The following GRIA3 variants were observed in gnomAD, a reference collection of about 807,000 sequenced individuals.
GRIA3 encodes glutamate ionotropic receptor AMPA type subunit 3.
Under a neutral mutation model 63.0 loss-of-function variants are expected in GRIA3, and 3 were observed. The ratio of observed to expected loss-of-function variants is 0.05; its 90% CI spans 0.02 to 0.12. GRIA3 has a LOEUF of 0.12. Among genes scored for constraint, GRIA3 ranks in the 10% least tolerant of loss-of-function variants. The pLI is 1.00. For synonymous variants in GRIA3, 274 were observed against 257.9 expected (o/e 1.06, Z -0.60); for missense variants, 347 against 700.9 (o/e 0.50, Z 5.70).
chrX:123,204,542 A>G, intron 2 of GRIA3: 1 of 1,162,938 alleles, frequency 8.6e-7, no homozygotes. Context: ...GTAAAGTTGC[A>G]GGTTGAACCC....
chrX:123,266,964 C>T lies in GRIA3; in HGVS notation c.508+13422C>T, dbSNP rs144493622. ...CTTCCCCAGACCCTAGATCTCCAGC[C>T]CCTTAGCCCTGCTGTGTGTCCTCAT... On this transcript the variant is annotated intron_variant, in intron 3 of 15. Coordinates refer to ENST00000620443, the MANE Select transcript of GRIA3 (RefSeq NM_007325.5). Among the ~76,000 whole-genome samples, 37 of 110,978 alleles carry T rather than the reference C, an allele frequency of 3.3e-4. No individual in the cohort carries two copies. The East Asian group carries it at 6.8e-3, about 20-fold the overall frequency.
chrX:123,194,119 C>T (rs1356652102), intron 2 of GRIA3, among the ~76,000 whole-genome samples: 1 of 110,993 alleles, frequency 9.0e-6, no homozygotes, highest in Non-Finnish European at 1.9e-5. Context: ...GGTAGTGGGC[C>T]TGCTGCCTGT....
intron 12 of GRIA3, among the ~76,000 whole-genome samples, chrX:123,434,723 C>T (rs5910004): frequency 0.3 from 33,511 of 110,475 alleles, 4,469 homozygotes; most frequent in Non-Finnish European, 0.42. Context: ...AGTAAGACCA[C>T]CGTTGGCTTT....
chrX:123,446,319 G>A (rs2045702940), intron 12 of GRIA3, among the ~76,000 whole-genome samples: 1 of 111,915 alleles, frequency 8.9e-6, no homozygotes, highest in Non-Finnish European at 1.9e-5. Context: ...TTTAAACCTG[G>A]GGAGGTCAGC....
intron 3 of GRIA3, among the ~76,000 whole-genome samples, chrX:123,292,820 A>G (rs1331338593): frequency 1.8e-5 from 2 of 111,235 alleles, no homozygotes; most frequent in Non-Finnish European, 3.8e-5. Context: ...GGAATACAAA[A>G]CTGTCTACCA....
chrX:123,382,014 C>G (rs2045327689), intron 5 of GRIA3, among the ~76,000 whole-genome samples: 1 of 112,011 alleles, frequency 8.9e-6, no homozygotes, highest in Admixed American at 9.5e-5. Flanking sequence ...ATTGGTTGCT[C>G]TATCTAAATG....
chrX:123,216,237 C>T (rs758146487), intron 2 of GRIA3, among the ~76,000 whole-genome samples: 16 of 111,785 alleles, frequency 1.4e-4, no homozygotes, highest in Non-Finnish European at 2.4e-4. Context: ...TTTTTTCCAT[C>T]GTTATTTTTC....
chrX:123,296,514 T>A (rs2044686983), intron 3 of GRIA3, among the ~76,000 whole-genome samples: 2 of 110,904 alleles, frequency 1.8e-5, no homozygotes, highest in South Asian at 7.6e-4. Context: ...ATCCAGATCA[T>A]CTAACTATGA....
intron 12 of GRIA3, among the ~76,000 whole-genome samples, chrX:123,436,037 A>G (rs1458621833): frequency 9.0e-6 from 1 of 111,310 alleles, no homozygotes; most frequent in Non-Finnish European, 1.9e-5. Context: ...CTAAAGACTC[A>G]GGGGGAGGGA....
At chrX:123,244,715 C>A (rs924785335) in intron 2 of GRIA3, among the ~76,000 whole-genome samples, 40 of 111,833 alleles carry the variant, frequency 3.6e-4, no homozygotes, top group Non-Finnish European at 4.7e-4. Context: ...GGAGTGGTGC[C>A]CATGGCATTT....
intron 3 of GRIA3, among the ~76,000 whole-genome samples, chrX:123,298,945 G>A (rs986565873): frequency 1.1e-4 from 12 of 110,437 alleles, no homozygotes; most frequent in African/African-American, 3.6e-4. Context: ...TTCTGCATAT[G>A]GCTAGTCAGC....
intron 5 of GRIA3, among the ~76,000 whole-genome samples, chrX:123,389,395 T>A (rs1255391454): frequency 4.5e-5 from 5 of 112,104 alleles, no homozygotes; most frequent in Non-Finnish European, 9.4e-5. Context: ...TGCTTTGGTG[T>A]CAGAAGCATA....
At chrX:123,370,653 G>A (rs937209756) in intron 5 of GRIA3, among the ~76,000 whole-genome samples, 10 of 111,451 alleles carry the variant, frequency 9.0e-5, no homozygotes, top group African/African-American at 3.3e-4. Context: ...GTAATCAGAA[G>A]TAAGGCCTAG....
At chrX:123,411,371 C>A (rs902758682) in intron 10 of GRIA3, among the ~76,000 whole-genome samples, 1 of 111,849 alleles carries the variant, frequency 8.9e-6, no homozygotes, top group Non-Finnish European at 1.9e-5. Flanking sequence ...AGCTCCTGCT[C>A]ATTCGTAGTC....
At chrX:123,352,081 A>G (rs932376949) in intron 4 of GRIA3, among the ~76,000 whole-genome samples, 3 of 52,738 alleles carry the variant, frequency 5.7e-5, no homozygotes, top group Admixed American at 4.1e-4. Context: ...TGCACATTTC[A>G]AACATTTTTT....
At chrX:123,223,196 G>A (rs542123843) in intron 2 of GRIA3, among the ~76,000 whole-genome samples, 1 of 112,837 alleles carries the variant, frequency 8.9e-6, no homozygotes, top group East Asian at 2.8e-4. Context: ...CACTGAGCCT[G>A]CCTATTCCAT....
intron 15 of GRIA3, among the ~76,000 whole-genome samples, chrX:123,483,910 T>C (rs2045927238): frequency 1.9e-5 from 2 of 103,478 alleles, no homozygotes; most frequent in South Asian, 5.0e-4. Context: ...CCAGCCTGGG[T>C]GACAGTGTGA....
intron 5 of GRIA3, among the ~76,000 whole-genome samples, chrX:123,362,803 T>C (rs1603113781): frequency 1.8e-5 from 2 of 112,067 alleles, no homozygotes; most frequent in Non-Finnish European, 3.8e-5. Flanking sequence ...TATTTATTTA[T>C]TCATACAAAT....
At chrX:123,289,064 A>G (rs2044639365) in intron 3 of GRIA3, among the ~76,000 whole-genome samples, 1 of 112,191 alleles carries the variant, frequency 8.9e-6, no homozygotes, top group Non-Finnish European at 1.9e-5. Context: ...TGTGGCACAT[A>G]TACACCATGG....
Sources: gnomAD v4.1 joint callset for allele counts (sites outside exome capture counted in the v4.1 genomes callset) on GRCh38, gnomAD v4.1.1 for gene constraint, MANE v1.5 for transcripts, NCBI Gene and HGNC (gene_info 2026-07-23, HGNC 2026-07-21) for gene names.